Variants in VTI1A observed in about 807,000 individuals in gnomAD.
VTI1A encodes the protein vesicle transport through interaction with t-SNAREs 1A.
In VTI1A, 22 loss-of-function variants were observed where a neutral mutation model predicts 34.9. The observed-to-expected ratio is 0.63, with a 90% CI of 0.45 to 0.90. The LOEUF (loss-of-function observed/expected upper bound fraction) is 0.90, where lower values mean the gene tolerates loss of function less well. Among genes scored for constraint, VTI1A ranks in the 40% least tolerant of loss-of-function variants. The pLI, the probability that VTI1A is intolerant of heterozygous loss-of-function variation, is 0.00. For synonymous variants in VTI1A, 87 were observed against 97.3 expected, an observed-to-expected ratio of 0.89 and a Z score of 0.62; for missense variants, 268 against 275.6, an observed-to-expected ratio of 0.97 and a Z score of 0.20.
chr10:112,577,133 G>A (rs1008859041), intron 5 of VTI1A, among the ~76,000 whole-genome samples: 6 of 152,182 alleles, frequency 3.9e-5, no homozygotes, highest in South Asian at 2.1e-4. Flanking sequence ...GAGTCCTCAC[G>A]TGGTGGGGAG....
At chr10:112,731,476 G>A (rs2133958579) in intron 7 of VTI1A, among the ~76,000 whole-genome samples, 1 of 152,026 alleles carries the variant, frequency 6.6e-6, no homozygotes, top group East Asian at 1.9e-4. Flanking sequence ...TCAGGAGGCT[G>A]AGGCAGGAGA....
chr10:112,805,503 G>T (rs1324210886), intron 7 of VTI1A, among the ~76,000 whole-genome samples: 1 of 152,186 alleles, frequency 6.6e-6, no homozygotes, highest in Non-Finnish European at 1.5e-5. Context: ...GGGTTAAATT[G>T]CAGCCTCTCA....
chr10:112,800,824 T>C (rs905988283), intron 7 of VTI1A, among the ~76,000 whole-genome samples: 3 of 152,220 alleles, frequency 2.0e-5, no homozygotes, highest in Admixed American at 2.0e-4. Context: ...CTTCTCCTAC[T>C]ATCACTGCAT....
intron 5 of VTI1A, among the ~76,000 whole-genome samples, chr10:112,557,031 A>G (rs572504463): frequency 3.0e-4 from 46 of 152,164 alleles, no homozygotes; most frequent in Non-Finnish European, 5.3e-4. Flanking sequence ...TGATATATTA[A>G]TGGTTTGAAT....
At chr10:112,823,680 G>A (rs1167172754), downstream of VTI1A, 3 of 152,232 alleles carry the variant, frequency 2.0e-5, no homozygotes, top group Non-Finnish European at 4.4e-5. Flanking sequence ...GAGGAGCCTG[G>A]GCATCCCAGC....
At chr10:112,669,877 T>C (rs1396721682) in intron 7 of VTI1A, among the ~76,000 whole-genome samples, 2 of 152,216 alleles carry the variant, frequency 1.3e-5, no homozygotes, top group East Asian at 3.8e-4. Flanking sequence ...GTTACAGACT[T>C]ATTGCATAAG....
chr10:112,553,999 G>T (rs1851460135), intron 5 of VTI1A, among the ~76,000 whole-genome samples: 1 of 152,156 alleles, frequency 6.6e-6, no homozygotes, highest in Non-Finnish European at 1.5e-5. Context: ...ATGACTTACA[G>T]GCCAGGTCAG....
At chr10:112,517,859 ATAATGTGG>A (rs1348434621) in intron 3 of VTI1A, among the ~76,000 whole-genome samples, 23 of 152,072 alleles carry the variant, frequency 1.5e-4, no homozygotes, top group African/African-American at 5.6e-4. Flanking sequence ...ACTACTAAAT[ATAATGTGG>A]AGTCTTGGAT....
At chr10:112,553,787 G>A (rs1851451299) in intron 5 of VTI1A, among the ~76,000 whole-genome samples, 1 of 152,132 alleles carries the variant, frequency 6.6e-6, no homozygotes, top group Non-Finnish European at 1.5e-5. Context: ...AGATGCAGGG[G>A]GACTGGGAAG....
At chr10:112,725,209 C>T (rs769617142) in intron 7 of VTI1A, among the ~76,000 whole-genome samples, 6 of 152,154 alleles carry the variant, frequency 3.9e-5, no homozygotes, top group Non-Finnish European at 5.9e-5. Context: ...TATTACAGAT[C>T]GCCCTCCTGT....
chr10:112,649,622 A>C (rs548111496), intron 5 of VTI1A, among the ~76,000 whole-genome samples: 3 of 152,330 alleles, frequency 2.0e-5, no homozygotes, highest in African/African-American at 7.2e-5. Flanking sequence ...ATAGTCATGC[A>C]TTCCTTAATG....
chr10:112,630,738 G>A (rs1249109601), intron 5 of VTI1A, among the ~76,000 whole-genome samples: 1 of 152,256 alleles, frequency 6.6e-6, no homozygotes, highest in East Asian at 1.9e-4. Context: ...TTTTCAGCCT[G>A]CAATCAAGCC....
chr10:112,577,748 A>G (rs756687872), intron 5 of VTI1A, among the ~76,000 whole-genome samples: 1 of 152,254 alleles, frequency 6.6e-6, no homozygotes, highest in Non-Finnish European at 1.5e-5. Flanking sequence ...CAAGCTGGAA[A>G]TATAATTTAA....
chr10:112,691,826 C>T (rs1020262887), intron 7 of VTI1A, among the ~76,000 whole-genome samples: 2 of 152,174 alleles, frequency 1.3e-5, no homozygotes, highest in Admixed American at 6.5e-5. Flanking sequence ...GTAAAATCCT[C>T]CCTTGAATGG....
rs139832721 is a variant in VTI1A, at chr10:112,790,592, A to G, written c.561-24698A>G. ...AGGCCTGGGTTTTGCCCTCTGCTCC[A>G]AATCAAGTCAGCCTCTTCTGGCAGC... On this transcript the variant is annotated intron_variant, in intron 7 of 7. Coordinates refer to ENST00000393077, the MANE Select transcript of VTI1A (RefSeq NM_145206.4). Among the ~76,000 whole-genome samples, 538 of 152,250 alleles carry G rather than the reference A, an allele frequency of 3.5e-3. 3 individuals carry two copies. The highest frequency in any genetic ancestry group is 0.012 in the African/African-American group (498 of 41,548).
At chr10:112,629,590 T>C (rs984792887) in intron 5 of VTI1A, among the ~76,000 whole-genome samples, 14 of 152,238 alleles carry the variant, frequency 9.2e-5, no homozygotes, top group Admixed American at 3.9e-4. Context: ...GTGTGAAACA[T>C]GCTGTGATTT....
chr10:112,754,477 A>G (rs1851213870), intron 7 of VTI1A, among the ~76,000 whole-genome samples: 1 of 152,218 alleles, frequency 6.6e-6, no homozygotes, highest in African/African-American at 2.4e-5. Flanking sequence ...CATTGTAGAA[A>G]TTCTGGAAAA....
intron 5 of VTI1A, among the ~76,000 whole-genome samples, chr10:112,565,520 C>T (rs7071486): frequency 6.6e-6 from 1 of 152,052 alleles, no homozygotes; most frequent in African/African-American, 2.4e-5. Context: ...GCAATAGAAG[C>T]TAAATTCTTT....
chr10:112,492,858 AT>A (rs886219611), intron 3 of VTI1A, among the ~76,000 whole-genome samples: 1 of 151,930 alleles, frequency 6.6e-6, no homozygotes, highest in African/African-American at 2.4e-5. Context: ...CAATTCAGTG[AT>A]TTTTTTAGGA....
Sources: allele counts gnomAD v4.1 joint callset (sites outside exome capture counted in the v4.1 genomes callset), GRCh38; gene constraint gnomAD v4.1.1; transcripts MANE v1.5; gene names NCBI Gene and HGNC (gene_info 2026-07-23, HGNC 2026-07-21).